The following COL17A1 variants were observed in gnomAD, a reference collection of about 807,000 sequenced individuals.
COL17A1 encodes the protein collagen type XVII alpha 1 chain.
In COL17A1, 181 loss-of-function variants were observed where a neutral mutation model predicts 218.4. The observed-to-expected ratio is 0.83, with a 90% confidence interval of 0.73 to 0.94. The LOEUF is 0.94. Ranked by LOEUF, COL17A1 falls within the 40% of genes least tolerant of loss-of-function variation. COL17A1 has a pLI of 0.00. For synonymous variants in COL17A1, 721 were observed against 731.0 expected (o/e 0.99, Z 0.22); for missense variants, 1,924 against 1,945.9 (o/e 0.99, Z 0.21).
intron 32 of COL17A1, 35 bp downstream of exon 32, chr10:104,046,712 G>A: frequency 6.2e-7 from 1 of 1,611,470 alleles, no homozygotes; most frequent in Non-Finnish European, 8.5e-7. Context: ...AGGAGAAGGT[G>A]GGAGACAGCA....
intron 46 of COL17A1, 152 bp from the exon 47 acceptor site, chr10:104,037,265 A>ATGTT: frequency 1.3e-6 from 1 of 762,132 alleles, no homozygotes. Flanking sequence ...AAAGCATAAC[A>ATGTT]AAGTCAAATA....
At chr10:104,063,661 G>A (rs2086601953) in intron 11 of COL17A1, 86 bp downstream of exon 11, 1 of 1,582,908 alleles carries the variant, frequency 6.3e-7, no homozygotes, top group South Asian at 1.1e-5. Flanking sequence ...ATGCATGGAA[G>A]AAAGGCCTTC....
At position 104,037,036 on chromosome 10, in the gene COL17A1, G is replaced by T. The variant is rs1407958671; in HGVS notation, c.3277+9C>A. Reference sequence around the variant, plus strand: ...AGTCCCACCCTCGATCCCCCCACAGGTGACTCACGCTGCAGCACAGCCAGA... The same window carrying T: ...AGTCCCACCCTCGATCCCCCCACAGTTGACTCACGCTGCAGCACAGCCAGA... On this transcript the variant is annotated intron_variant, in intron 47 of 55. Coordinates refer to ENST00000648076, the MANE Select transcript of COL17A1 (RefSeq NM_000494.4). The T allele has an allele frequency of 1.9e-6, 3 of 1,601,500 alleles. No homozygotes were observed. The highest frequency in any genetic ancestry group is 2.2e-5 in the East Asian group (1 of 44,666).
At chr10:104,084,538 C>T (rs770044425) in intron 1 of COL17A1, among the ~76,000 whole-genome samples, 5 of 152,118 alleles carry the variant, frequency 3.3e-5, no homozygotes, top group African/African-American at 7.2e-5. Flanking sequence ...TGCACCACTA[C>T]GCACACCACT....
intron 52 of COL17A1, 68 bp downstream of exon 52, chr10:104,033,877 G>A: frequency 1.2e-6 from 2 of 1,607,990 alleles, no homozygotes; most frequent in Non-Finnish European, 1.7e-6. Flanking sequence ...CCACAAACAA[G>A]AAAGCCAGTC....
chr10:104,074,057 G>T, intron 6 of COL17A1, 127 bp downstream of exon 6: 1 of 1,445,086 alleles, frequency 6.9e-7, no homozygotes, highest in African/African-American at 1.4e-5. Context: ...AGGTCAGCAG[G>T]GGTCAAACTC....
chr10:104,043,897 G>A (rs749053247), intron 33 of COL17A1, 37 bp from the exon 34 acceptor site: 3 of 1,613,230 alleles, frequency 1.9e-6, no homozygotes, highest in Non-Finnish European at 2.5e-6. Flanking sequence ...TGGTTGTTCT[G>A]AGGATCAATT....
At position 104,059,352 on chromosome 10, in the gene COL17A1, T is replaced by C. The variant is rs143090927; in HGVS notation, c.1222+286A>G. Reference sequence around the variant, plus strand: ...ATTTTTCTATTAGTTCTGAAGATTATGGAGAAAAAGTAAAATGAGAAAACA... The same window carrying C: ...ATTTTTCTATTAGTTCTGAAGATTACGGAGAAAAAGTAAAATGAGAAAACA... On this transcript the variant is annotated intron_variant, in intron 15 of 55. Coordinates refer to ENST00000648076, the MANE Select transcript of COL17A1 (RefSeq NM_000494.4). 1.3e-3 allele frequency: 596 copies of C among 476,374 alleles called. 1 individual carries two copies. The highest frequency in any genetic ancestry group is 2.4e-3 in the Middle Eastern group (4 of 1,684). 29.5% of individuals were successfully genotyped at this position (476,374 alleles called of 1,614,324 possible).
At chr10:104,048,269 A>C in intron 29 of COL17A1, 165 bp from the exon 30 acceptor site, 1 of 786,138 alleles carries the variant, frequency 1.3e-6, no homozygotes, top group South Asian at 1.4e-5. Context: ...CGGTACTCCC[A>C]CTGCCCCTTC....
chr10:104,035,302 A>G lies in COL17A1; in HGVS notation c.3580T>C (p.Ser1194Pro), dbSNP rs139697030. Residue 1194 changes from serine (S) to proline (P), a missense_variant, in exon 50 of 56, where the codon TCC becomes CCC. Physicochemically the swap from Ser to Pro is moderately conservative, Grantham distance 74. Transcript: ENST00000648076. ...GAGAGGTCCTCCACGCTGATGCTGG[A>G]CCACACATTGCCTGGGATCCCTGGT... ...GPPGIPGNVW[S>P]SISVEDLSSY... 4.3e-5 allele frequency: 69 copies of G among 1,614,076 alleles called. No homozygotes were observed. The highest frequency in any genetic ancestry group is 5.7e-5 in the Non-Finnish European group (67 of 1,180,036).
In COL17A1 at chr10:104,033,323, C is replaced by A; in HGVS notation, c.4209G>T (p.Gln1403His). The A allele has an allele frequency of 6.2e-7, 1 of 1,608,658 alleles. No individual in the cohort carries two copies. The highest frequency in any genetic ancestry group is 8.5e-7 in the Non-Finnish European group (1 of 1,177,656). Reference sequence around the variant, plus strand: ...TGCCGGGTGGCCCCTGTGGCCCAGGCTGGCCTGGTGGGCCCTGGACAGTGT... The same window carrying A: ...TGCCGGGTGGCCCCTGTGGCCCAGGATGGCCTGGTGGGCCCTGGACAGTGT... ...MAYTVQGPPG[Q>H]PGPQGPPGIS... Residue 1403 changes from glutamine (Q) to histidine (H), a missense_variant, in exon 53 of 56, where the codon CAG (glutamine) becomes CAT (histidine). By Grantham distance (24) the Gln-to-His change is conservative. Coordinates refer to ENST00000648076, the MANE Select transcript of COL17A1 (RefSeq NM_000494.4).
At chr10:104,060,033 G>C (rs2086567836) in intron 14 of COL17A1, 86 bp downstream of exon 14, 1 of 1,596,330 alleles carries the variant, frequency 6.3e-7, no homozygotes, top group African/African-American at 1.3e-5. Flanking sequence ...TGACTCATAG[G>C]GTCCCAAACC....
At chr10:104,044,861 G>C (rs969721843) in intron 33 of COL17A1, among the ~76,000 whole-genome samples, 1 of 152,014 alleles carries the variant, frequency 6.6e-6, no homozygotes, top group Non-Finnish European at 1.5e-5. Flanking sequence ...ACATATCCAC[G>C]GACCTAGTGT....
At chr10:104,038,381 C>T (rs532224568) in intron 45 of COL17A1, 25 bp downstream of exon 45, 80 of 1,613,310 alleles carry the variant, frequency 5.0e-5, no homozygotes, top group South Asian at 9.9e-5. Context: ...CTTGTCCCCA[C>T]GGCTTGCGGC....
chr10:104,037,922 A>G, intron 45 of COL17A1, 149 bp from the exon 46 acceptor site: 1 of 879,560 alleles, frequency 1.1e-6, no homozygotes, highest in Non-Finnish European at 1.6e-6. Context: ...ACTTCCCCTC[A>G]CTGTCCTTCC....
In COL17A1 at chr10:104,062,382, T is replaced by C. The variant is rs957407868; in HGVS notation, c.839-53A>G. On this transcript the variant is annotated intron_variant, in intron 11 of 55. Transcript: ENST00000648076. ...TACAGGGAGCACGGGGGATGCCCCCTGGCTTAGGACGGCCCCCAGAGTCCC... is the reference window on the plus strand; with the variant it reads ...TACAGGGAGCACGGGGGATGCCCCCCGGCTTAGGACGGCCCCCAGAGTCCC... The C allele has an allele frequency of 1.9e-6, 3 of 1,613,346 alleles. No homozygotes were observed. The Admixed American group carries it at 5.0e-5, about 27-fold the overall frequency.
At chr10:104,057,200 A>G (rs1158032248) in intron 16 of COL17A1, 28 bp from the exon 17 acceptor site, 2 of 1,613,906 alleles carry the variant, frequency 1.2e-6, no homozygotes, top group Admixed American at 1.7e-5. Context: ...AAAATGAAGC[A>G]AATGCAGGCA....
intron 7 of COL17A1, among the ~76,000 whole-genome samples, chr10:104,072,284 G>T (rs1251006897): frequency 6.6e-6 from 1 of 152,134 alleles, no homozygotes; most frequent in South Asian, 2.1e-4. Flanking sequence ...CCTGCCAACT[G>T]CATACCTCCC....
intron 46 of COL17A1, 95 bp from the exon 47 acceptor site, chr10:104,037,208 T>C (rs2086308969): frequency 2.6e-6 from 3 of 1,171,702 alleles, no homozygotes; most frequent in Middle Eastern, 1.9e-4. Flanking sequence ...ACCGAGCTGT[T>C]TGTCTTTGGG....
Sources: allele counts gnomAD v4.1 joint callset (sites outside exome capture counted in the v4.1 genomes callset), GRCh38; gene constraint gnomAD v4.1.1; transcripts MANE v1.5; gene names NCBI Gene and HGNC (gene_info 2026-07-23, HGNC 2026-07-21).